The following ACTR1A variants were observed in gnomAD, a reference collection of about 807,000 sequenced individuals.
ACTR1A encodes the protein actin related protein 1A.
ACTR1A carries 10 observed loss-of-function variants against 50.7 expected under a neutral mutation model. The observed-to-expected ratio is 0.20, with a 90% CI of 0.12 to 0.33. ACTR1A has a LOEUF of 0.33. Ranked by LOEUF, ACTR1A falls within the 10% of genes least tolerant of loss-of-function variation. The probability of loss-of-function intolerance (pLI) is 1.00; values close to 1 mark genes in which losing one functional copy is unlikely to be tolerated. For synonymous variants in ACTR1A, 177 were observed against 184.2 expected, an observed-to-expected ratio of 0.96 and a Z score of 0.32; for missense variants, 253 against 491.7, an observed-to-expected ratio of 0.51 and a Z score of 4.59.
At position 102,482,345 on chromosome 10, in the gene ACTR1A, C is replaced by T. The variant is rs1429317965; in HGVS notation, c.751-170G>A. On this transcript the variant is annotated intron_variant, in intron 7 of 10. Transcript: ENST00000369905. This position sits in a 1 kb window ranked among gnomAD's most constrained non-coding sequence, Gnocchi z 5.6. Reference sequence around the variant, plus strand: ...GCTTAAAGGAACAAAGATAGGCCTCCTGGAAACTAGTGAGGGGAGGCTCCT... The same window carrying T: ...GCTTAAAGGAACAAAGATAGGCCTCTTGGAAACTAGTGAGGGGAGGCTCCT... 1.6e-6 allele frequency: 1 copy of T among 638,222 alleles called. No homozygotes were observed. Among genetic ancestry groups the T allele is most frequent in the South Asian group, 1.9e-5 (1 of 51,612 alleles). 39.5% of individuals were successfully genotyped at this position (638,222 alleles called of 1,614,324 possible).
intron 1 of ACTR1A, among the ~76,000 whole-genome samples, chr10:102,502,085 G>A (rs2062256592): frequency 6.6e-6 from 1 of 152,168 alleles, no homozygotes; most frequent in Non-Finnish European, 1.5e-5. Flanking sequence ...CTCGCCTCTA[G>A]GCCCCACCAC....
At chr10:102,489,866 T>TC (rs11386205) in intron 2 of ACTR1A, among the ~76,000 whole-genome samples, 53,561 of 151,730 alleles carry the variant, frequency 0.35, 9,616 homozygotes, top group African/African-American at 0.4. Flanking sequence ...CCTCTTCCTT[T>TC]CCTCCCCCTT....
Position 102,481,239 on chromosome 10 carries a change from CCT to C in ACTR1A, c.988-69_988-68del, listed in dbSNP as rs1447355539. On this transcript the variant is annotated intron_variant, in intron 9 of 10. Transcript: ENST00000369905. ...TCCCGCTCCCTTTCCCTACAATGCT[CCT>C]CTTTCTGCCCATGGCAGGGGATACA... The C allele has an allele frequency of 6.8e-6, 10 of 1,472,610 alleles. No homozygotes were observed. In the Admixed American group the frequency reaches 1.3e-4, roughly 19 times the overall value. 91.2% of individuals were successfully genotyped at this position (1,472,610 alleles called of 1,614,324 possible).
At chr10:102,490,992 A>G (rs1305880617) in intron 1 of ACTR1A, among the ~76,000 whole-genome samples, 1 of 149,946 alleles carries the variant, frequency 6.7e-6, no homozygotes, top group Non-Finnish European at 1.5e-5. Context: ...GTCTCACAGG[A>G]AAAAAAAAAC....
In ACTR1A at chr10:102,482,916, G is replaced by A; in HGVS notation, c.750+95C>T. ...TGGACAAGCTTGGTGTAAAGGGACT[G>A]GCCTGCCAGACTCCAGACCCTGATG... On this transcript the variant is annotated intron_variant, in intron 7 of 10. Coordinates refer to ENST00000369905, the MANE Select transcript of ACTR1A (RefSeq NM_005736.4). This position sits in a 1 kb window ranked among gnomAD's most constrained non-coding sequence, Gnocchi z 5.6. 1 of 1,040,520 alleles carries A rather than the reference G, an allele frequency of 9.6e-7. No homozygotes were observed. The highest frequency in any genetic ancestry group is 1.5e-6 in the Non-Finnish European group (1 of 668,990). 64.5% of individuals were successfully genotyped at this position (1,040,520 alleles called of 1,614,324 possible).
At chr10:102,500,518 G>A (rs1271560219) in intron 1 of ACTR1A, among the ~76,000 whole-genome samples, 4 of 152,096 alleles carry the variant, frequency 2.6e-5, no homozygotes, top group Admixed American at 6.5e-5. Flanking sequence ...GCAGTGAGCC[G>A]AGATCGCGCC....
At chr10:102,492,069 C>CTTTTTT (rs71016386) in intron 1 of ACTR1A, among the ~76,000 whole-genome samples, 9 of 92,334 alleles carry the variant, frequency 9.7e-5, no homozygotes, top group East Asian at 3.2e-4. Context: ...CGTGCCCGGC[C>CTTTTTT]TTTTTTTTTT....
intron 4 of ACTR1A, among the ~76,000 whole-genome samples, chr10:102,486,952 ATT>A (rs61362296): frequency 3.4e-4 from 49 of 145,932 alleles, no homozygotes; most frequent in South Asian, 4.4e-4. Flanking sequence ...GTACCCGGCT[ATT>A]TTTTTTTTTT....
intron 2 of ACTR1A, among the ~76,000 whole-genome samples, chr10:102,489,979 TAATCCCAGC>T (rs901406413): frequency 2.6e-5 from 4 of 152,132 alleles, no homozygotes; most frequent in Admixed American, 2.0e-4. Flanking sequence ...AGAAGGGCTG[TAATCCCAGC>T]ACTTTGGGAG....
rs1564648248 is a variant in ACTR1A, at chr10:102,484,322, G to A, written c.495C>T (p.Thr165=). The change falls in exon 6 of 11, where the codon ACC becomes ACT. Residue 165 remains threonine (T), a synonymous_variant. Coordinates refer to ENST00000369905, the MANE Select transcript of ACTR1A (RefSeq NM_005736.4). The part of the protein sequence containing the change: ...GVVLDSGDGV[T]HAVPIYEGFA... ...AGCCCTCATAGATGGGCACAGCATGGGTGACTCCATCCCCAGAATCCAGCA... is the reference window on the plus strand; with the variant it reads ...AGCCCTCATAGATGGGCACAGCATGAGTGACTCCATCCCCAGAATCCAGCA... The A allele has an allele frequency of 1.2e-6, 2 of 1,614,056 alleles. No homozygotes were observed. Among genetic ancestry groups the A allele is most frequent in the African/African-American group, 1.3e-5 (1 of 74,918 alleles).
intron 1 of ACTR1A, among the ~76,000 whole-genome samples, chr10:102,500,496 G>A (rs2062244054): frequency 6.6e-6 from 1 of 152,148 alleles, no homozygotes; most frequent in Admixed American, 6.6e-5. Context: ...GTGAACCCGG[G>A]AGGCGGAGCT....
At chr10:102,502,233 T>TA (rs1391782047) in intron 1 of ACTR1A, among the ~76,000 whole-genome samples, 1 of 151,904 alleles carries the variant, frequency 6.6e-6, no homozygotes, top group African/African-American at 2.4e-5. Flanking sequence ...CCGGCAAGGC[T>TA]AAGAGGCGGT....
chr10:102,488,345 G>A lies in ACTR1A; in HGVS notation c.190-70C>T. The A allele has an allele frequency of 1.9e-6, 3 of 1,583,844 alleles. No individual in the cohort carries two copies. The highest frequency in any genetic ancestry group is 1.7e-6 in the Non-Finnish European group (2 of 1,155,614). ...CAGGACCCTGTTCTCCCAAGACTAA[G>A]CAGTGCAAGCTGAATCCCTTGCAAA... On this transcript the variant is annotated intron_variant, in intron 3 of 10. Coordinates refer to ENST00000369905, the MANE Select transcript of ACTR1A (RefSeq NM_005736.4). The surrounding 1 kb of genome is among the most constrained non-coding windows in gnomAD (Gnocchi z 4.4).
At position 102,482,562 on chromosome 10, in the gene ACTR1A, A is replaced by G. The variant is rs2062148943; in HGVS notation, c.751-387T>C. The G allele has an allele frequency of 6.9e-6, 2 of 290,380 alleles. No individual in the cohort carries two copies. The highest frequency in any genetic ancestry group is 1.3e-5 in the Non-Finnish European group (2 of 153,188). 18.0% of individuals were successfully genotyped at this position (290,380 alleles called of 1,614,324 possible). A position where few individuals can be genotyped will look rare whatever the true frequency, so the allele number is the denominator to read the frequency against. On this transcript the variant is annotated intron_variant, in intron 7 of 10. Coordinates refer to ENST00000369905, the MANE Select transcript of ACTR1A (RefSeq NM_005736.4). This position sits in a 1 kb window ranked among gnomAD's most constrained non-coding sequence, Gnocchi z 5.6. ...TCCTAATCTCATACTGATGTGGGAC[A>G]ATCCCTTAGGAGCTTCCTCCCCTCT...
At chr10:102,491,706 CAG>C (rs1175610417) in intron 1 of ACTR1A, among the ~76,000 whole-genome samples, 3 of 152,188 alleles carry the variant, frequency 2.0e-5, no homozygotes, top group Non-Finnish European at 4.4e-5. Flanking sequence ...ACTCTGGACA[CAG>C]AGACCAACCC....
chr10:102,482,198 A>C lies in ACTR1A; in HGVS notation c.751-23T>G, dbSNP rs765118068. ...AATCTGCAGGTAGGAGGGCCAGCTG[A>C]AGAGGTCGGAGCTGGGACCAAGGTC... On this transcript the variant is annotated intron_variant, in intron 7 of 10. Coordinates refer to ENST00000369905, the MANE Select transcript of ACTR1A (RefSeq NM_005736.4). The surrounding 1 kb of genome is among the most constrained non-coding windows in gnomAD (Gnocchi z 5.6). The C allele has an allele frequency of 3.7e-6, 6 of 1,607,192 alleles. No homozygotes were observed.
chr10:102,485,731 A>G lies in ACTR1A; in HGVS notation c.318T>C (p.His106=), dbSNP rs1052985412. ...KDQLQTFSEE[H]PVLLTEAPLN... is the part of the protein sequence containing the mutation. ...AAGGCGCCTCAGTCAGGAGCACAGG[A>G]TGCTGGTGAAAGGAGCCCGGGAGAC... is the stretch of plus-strand genomic sequence containing the variant. The change falls in exon 5 of 11, where the codon CAT becomes CAC. Residue 106 remains histidine (H), a splice_region_variant and synonymous_variant. Coordinates refer to ENST00000369905, the MANE Select transcript of ACTR1A (RefSeq NM_005736.4). 8 of 1,613,824 alleles carry G rather than the reference A, an allele frequency of 5.0e-6. No homozygotes were observed. The highest frequency in any genetic ancestry group is 6.8e-6 in the Non-Finnish European group (8 of 1,180,002).
Position 102,489,096 on chromosome 10 carries a change from A to G in ACTR1A, c.156T>C (p.Leu52=), listed in dbSNP as rs754131340. ...TGGGGCCAATGAAGATGTCGCCTTC[A>G]AGGGCTCCTGCCATGACACGAACGT... is the stretch of plus-strand genomic sequence containing the variant. The part of the protein sequence containing the change: ...PKHVRVMAGA[L]EGDIFIGPKA... The change falls in exon 3 of 11, where the codon CTT becomes CTC. Residue 52 remains leucine (L), a synonymous_variant. Coordinates refer to ENST00000369905, the MANE Select transcript of ACTR1A (RefSeq NM_005736.4). 4.4e-6 allele frequency: 7 copies of G among 1,590,590 alleles called. No homozygotes were observed. The South Asian group carries it at 8.0e-5, about 18-fold the overall frequency.
At chr10:102,484,978 CT>C (rs2062159872) in intron 5 of ACTR1A, among the ~76,000 whole-genome samples, 1 of 152,226 alleles carries the variant, frequency 6.6e-6, no homozygotes, top group Non-Finnish European at 1.5e-5. Flanking sequence ...GATTTTTGCC[CT>C]GTGGGAATGT....
Sources: gnomAD v4.1 joint callset for allele counts (sites outside exome capture counted in the v4.1 genomes callset) on GRCh38, gnomAD v4.1.1 for gene constraint, Gnocchi (gnomAD v3.1) non-coding constraint, MANE v1.5 for transcripts, NCBI Gene and HGNC (gene_info 2026-07-23, HGNC 2026-07-21) for gene names.